The following EHBP1L1 variants were observed in gnomAD, a reference collection of about 807,000 sequenced individuals.
EHBP1L1 encodes EH domain binding protein 1 like 1.
A neutral mutation model predicts 151.1 loss-of-function variants in EHBP1L1; 122 were observed. The observed-to-expected ratio is 0.81, with a 90% CI of 0.70 to 0.94. The LOEUF (loss-of-function observed/expected upper bound fraction) is 0.94. Ranked by LOEUF, EHBP1L1 falls within the 40% of genes least tolerant of loss-of-function variation. The pLI is 0.00. For synonymous variants in EHBP1L1, 878 were observed against 810.1 expected (o/e 1.08, Z -1.42); for missense variants, 1,941 against 1,959.8 (o/e 0.99, Z 0.18).
At chr11:65,578,685 T>C (rs1857436868) in intron 1 of EHBP1L1, among the ~76,000 whole-genome samples, 1 of 152,252 alleles carries the variant, frequency 6.6e-6, no homozygotes, top group African/African-American at 2.4e-5. Flanking sequence ...ATCCCTCGTC[T>C]TTGTCTCTCC....
rs1565124423 is a variant in EHBP1L1 at position 65,582,639 on chromosome 11, C to T, written c.1967C>T (p.Thr656Ile). The change falls in exon 9 of 19, where the codon ACA (threonine) becomes ATA (isoleucine). Residue 656 changes from threonine (T) to isoleucine (I), a missense_variant. Coordinates refer to ENST00000309295, the MANE Select transcript of EHBP1L1 (RefSeq NM_001099409.3). ...ACTGAGGTATTGGGGACCCAGAAAA[C>T]AGAAGCTGGGGGTTCAGGAGTTTTG... ...TETEVLGTQKTEAGGSGVLQT... is the reference protein window; with the variant it reads ...TETEVLGTQKIEAGGSGVLQT... 7 of 1,613,464 alleles carry T rather than the reference C, an allele frequency of 4.3e-6. No homozygotes were observed. The highest frequency in any genetic ancestry group is 1.3e-5 in the African/African-American group (1 of 74,962).
intron 7 of EHBP1L1, 23 bp downstream of exon 7, chr11:65,581,149 G>A: frequency 6.2e-7 from 1 of 1,612,534 alleles, no homozygotes; most frequent in Non-Finnish European, 8.5e-7. Flanking sequence ...CTGGGGTTGG[G>A]GGTGGAGACT....
intron 15 of EHBP1L1, 73 bp from the exon 16 acceptor site, chr11:65,590,420 C>A (rs1217575173): frequency 6.5e-7 from 1 of 1,549,878 alleles, no homozygotes; most frequent in African/African-American, 1.4e-5. Flanking sequence ...CAAACCCCCT[C>A]CCCCAACCCC....
chr11:65,582,585 T>TG lies in EHBP1L1; in HGVS notation c.1918dup (p.Val640GlyfsTer10). ...GGACTGGAGACCCAGGAAACAGAGG[T>TG]GGGGGTCATAGAGACCCCAGGGACA... is the stretch of plus-strand genomic sequence containing the variant. On this transcript the variant is annotated frameshift_variant, in exon 9 of 19. Coordinates refer to ENST00000309295, the MANE Select transcript of EHBP1L1 (RefSeq NM_001099409.3). LOFTEE classifies it high-confidence loss of function. The TG allele has an allele frequency of 6.2e-7, 1 of 1,612,808 alleles. No individual in the cohort carries two copies. The highest frequency in any genetic ancestry group is 2.2e-5 in the East Asian group (1 of 44,850).
intron 12 of EHBP1L1, among the ~76,000 whole-genome samples, chr11:65,586,420 A>G (rs183891796): frequency 3.3e-5 from 5 of 152,246 alleles, no homozygotes; most frequent in Non-Finnish European, 7.3e-5. Context: ...TCAGCTGTCC[A>G]GGAATGACCC....
chr11:65,591,004 C>A (rs1277571162), intron 16 of EHBP1L1, among the ~76,000 whole-genome samples: 1 of 151,616 alleles, frequency 6.6e-6, no homozygotes, highest in African/African-American at 2.4e-5. Flanking sequence ...ACACTCTAGT[C>A]TGGGCAAAAG....
Position 65,582,434 on chromosome 11 carries a change from G to T in EHBP1L1, c.1762G>T (p.Glu588Ter). 6.2e-7 allele frequency: 1 copy of T among 1,612,120 alleles called. No individual in the cohort carries two copies. Among genetic ancestry groups the T allele is most frequent in the Non-Finnish European group, 8.5e-7 (1 of 1,179,502 alleles). Residue 588 changes from glutamate to a stop codon, truncating the protein, a stop_gained, in exon 9 of 19, where the codon GAA becomes TAA. Transcript: ENST00000309295. LOFTEE classifies it high-confidence loss of function. ...GGAGGTGCTGGGAACCCAGGAGAAA[G>T]AAGTTGAGGGGTCAGGGTTCCCAGA... ...GLEVLGTQEK[E>*]VEGSGFPETR...
Position 65,582,400 on chromosome 11 carries a change from G to C in EHBP1L1, c.1728G>C (p.Val576=). Reference sequence around the variant, plus strand: ...GGGACCTGGAAACAGAGACTGAGGTGGTAGGGTTGGAGGTGCTGGGAACCC... The same window carrying C: ...GGGACCTGGAAACAGAGACTGAGGTCGTAGGGTTGGAGGTGCTGGGAACCC... ...GSGDLETETE[V]VGLEVLGTQE... The change falls in exon 9 of 19, where the codon GTG becomes GTC. Residue 576 remains valine, a synonymous_variant. Transcript: ENST00000309295. The C allele has an allele frequency of 5.6e-6, 9 of 1,605,072 alleles. No homozygotes were observed. The highest frequency in any genetic ancestry group is 7.6e-6 in the Non-Finnish European group (9 of 1,176,508).
chr11:65,581,975 G>T lies in EHBP1L1; in HGVS notation c.1303G>T (p.Val435Leu), dbSNP rs761468079. Residue 435 changes from valine to leucine, a missense_variant, in exon 9 of 19, where the codon GTG (valine) becomes TTG (leucine). By Grantham distance (32) the Val-to-Leu change is conservative. Coordinates refer to ENST00000309295, the MANE Select transcript of EHBP1L1 (RefSeq NM_001099409.3). The part of the protein sequence containing the change: ...DAEQRSKVRH[V>L]DTKGPEATGV... ...TGAGCAGAGGTCAAAGGTGAGACAT[G>T]TGGACACTAAGGGACCAGAGGCGAC... 3 of 1,613,818 alleles carry T rather than the reference G, an allele frequency of 1.9e-6. No homozygotes were observed. Among genetic ancestry groups the T allele is most frequent in the Non-Finnish European group, 2.5e-6 (3 of 1,179,848 alleles).
In EHBP1L1 at chr11:65,591,956, T is replaced by G; in HGVS notation, c.4358-20T>G. On this transcript the variant is annotated intron_variant, in intron 17 of 18. Transcript: ENST00000309295. ...GCCCTGGGCCCGCGCCTCCTGACGC[T>G]TAGCCGCTTCGACCCTCAGACTGGC... 6.2e-7 allele frequency: 1 copy of G among 1,609,392 alleles called. No individual in the cohort carries two copies. Among genetic ancestry groups the G allele is most frequent in the Non-Finnish European group, 8.5e-7 (1 of 1,176,640 alleles).
chr11:65,584,770 C>T (rs1857844831), intron 11 of EHBP1L1, 189 bp from the exon 12 acceptor site: 4 of 961,650 alleles, frequency 4.2e-6, no homozygotes, highest in Admixed American at 2.7e-5. Context: ...ACGGGGTGGA[C>T]GGTGTGCCGT....
In EHBP1L1 at chr11:65,581,322, G is replaced by C. The variant is rs779727708; in HGVS notation, c.815G>C (p.Gly272Ala). Reference sequence around the variant, plus strand: ...TCAGAACGAGCTAATGAAGCGGGGGGCCAGGTAGGCCCTGAGGCCCCAAGG... The same window carrying C: ...TCAGAACGAGCTAATGAAGCGGGGGCCCAGGTAGGCCCTGAGGCCCCAAGG... ...QGSERANEAGGQVGPEAPRPP... is the reference protein window; with the variant it reads ...QGSERANEAGAQVGPEAPRPP... Residue 272 changes from glycine (G) to alanine (A), a missense_variant, in exon 8 of 19, where the codon GGC (glycine) becomes GCC (alanine). By Grantham distance (60) the Gly-to-Ala change is moderately conservative. Transcript: ENST00000309295. The C allele has an allele frequency of 6.2e-7, 1 of 1,609,554 alleles. No individual in the cohort carries two copies.
At chr11:65,589,628 C>G (rs1858153697) in intron 12 of EHBP1L1, 123 bp from the exon 13 acceptor site, 2 of 1,401,914 alleles carry the variant, frequency 1.4e-6, no homozygotes, top group Admixed American at 5.9e-5. Flanking sequence ...AGAGGAGGGG[C>G]AGGGGCGGGC....
chr11:65,591,050 A>AAAAATT (rs1858253573), intron 16 of EHBP1L1: 1 of 161,106 alleles, frequency 6.2e-6, no homozygotes, highest in African/African-American at 2.4e-5. Flanking sequence ...AAATTAAAAC[A>AAAAATT]AAAATTAAGG....
intron 12 of EHBP1L1, among the ~76,000 whole-genome samples, chr11:65,589,358 C>A (rs2135320077): frequency 6.6e-6 from 1 of 152,338 alleles, no homozygotes; most frequent in South Asian, 2.1e-4. Context: ...TGCCACTGCA[C>A]TCCAGCCAGG....
At chr11:65,589,001 G>A (rs1331190729) in intron 12 of EHBP1L1, among the ~76,000 whole-genome samples, 3 of 152,120 alleles carry the variant, frequency 2.0e-5, no homozygotes, top group Admixed American at 1.3e-4. Context: ...TGGGTCACAC[G>A]GATGGGGCCA....
In EHBP1L1 at chr11:65,579,917, C is replaced by A; in HGVS notation, c.259-19C>A. 6.2e-7 allele frequency: 1 copy of A among 1,613,550 alleles called. No individual in the cohort carries two copies. The highest frequency in any genetic ancestry group is 8.5e-7 in the Non-Finnish European group (1 of 1,179,794). ...TGCTGCCCCAACAGTCCTGTACTCA[C>A]CAGCACCCTTCTTCCCAGGACCCCC... On this transcript the variant is annotated intron_variant, in intron 3 of 18. Coordinates refer to ENST00000309295, the MANE Select transcript of EHBP1L1 (RefSeq NM_001099409.3).
At position 65,581,217 on chromosome 11, in the gene EHBP1L1, G is replaced by A; in HGVS notation, c.710G>A (p.Ser237Asn). Residue 237 changes from serine (S) to asparagine (N), a missense_variant, in exon 8 of 19, where the codon AGC becomes AAC. Ser to Asn is a conservative substitution (Grantham distance 46, BLOSUM62 1). Coordinates refer to ENST00000309295, the MANE Select transcript of EHBP1L1 (RefSeq NM_001099409.3). ...TCCCCCTCTTTCTTCTCAGTTGCCAGCCCTTCTAATGCTGAGGATACCAGC... is the reference window on the plus strand; with the variant it reads ...TCCCCCTCTTTCTTCTCAGTTGCCAACCCTTCTAATGCTGAGGATACCAGC... ...GQGRPQQAVA[S>N]PSNAEDTSPA... 6.2e-7 allele frequency: 1 copy of A among 1,609,486 alleles called. No individual in the cohort carries two copies. The highest frequency in any genetic ancestry group is 8.5e-7 in the Non-Finnish European group (1 of 1,177,972).
In EHBP1L1 at chr11:65,582,093, C is replaced by CA. The variant is rs1857641702; in HGVS notation, c.1421_1422insA (p.Pro475SerfsTer20). On this transcript the variant is annotated frameshift_variant, in exon 9 of 19. Transcript: ENST00000309295. LOFTEE classifies it high-confidence loss of function. ...CTGGGAGTCAGGACCAGGGATGAGG[C>CA]TCCCTCAGGCCTGAGCCTGCCCCCA... 1 of 1,608,560 alleles carries CA rather than the reference C, an allele frequency of 6.2e-7. No individual in the cohort carries two copies. Among genetic ancestry groups the CA allele is most frequent in the Non-Finnish European group, 8.5e-7 (1 of 1,177,568 alleles).
Sources: allele counts gnomAD v4.1 joint callset (sites outside exome capture counted in the v4.1 genomes callset), GRCh38; gene constraint gnomAD v4.1.1; transcripts MANE v1.5; gene names NCBI Gene and HGNC (gene_info 2026-07-23, HGNC 2026-07-21).